TXNDC11: variants seen among roughly 807,000 people sequenced by gnomAD.
The protein encoded by TXNDC11 is thioredoxin domain-containing protein 11.
A neutral mutation model predicts 78.0 loss-of-function variants in TXNDC11; 68 were observed. That is an observed-to-expected ratio of 0.87 (90% confidence interval 0.72 to 1.07). The LOEUF is 1.07. Ranked by LOEUF, TXNDC11 falls within the 50% of genes least tolerant of loss-of-function variation. The probability of loss-of-function intolerance (pLI) is 0.00; values close to 1 mark genes in which losing one functional copy is unlikely to be tolerated. For synonymous variants in TXNDC11, 571 were observed against 495.2 expected, an observed-to-expected ratio of 1.15 and a Z score of -2.03; for missense variants, 1,389 against 1,221.8, an observed-to-expected ratio of 1.14 and a Z score of -2.04.
At chr16:11,733,416 A>G (rs2052114026) in intron 3 of TXNDC11, among the ~76,000 whole-genome samples, 1 of 151,870 alleles carries the variant, frequency 6.6e-6, no homozygotes, top group Non-Finnish European at 1.5e-5. Context: ...AGTCCCAACT[A>G]CTTGGGAGGC....
chr16:11,692,131 C>CT (rs764917433), intron 7 of TXNDC11, 49 bp from the exon 8 acceptor site: 1 of 1,424,566 alleles, frequency 7.0e-7, no homozygotes, highest in Non-Finnish European at 9.5e-7. Context: ...GACTGAGGGA[C>CT]TAGCACCCCG....
intron 5 of TXNDC11, among the ~76,000 whole-genome samples, chr16:11,711,724 A>C (rs1466704302): frequency 6.6e-6 from 1 of 152,216 alleles, no homozygotes; most frequent in African/African-American, 2.4e-5. Flanking sequence ...ACTGAGTAAG[A>C]AGCGGAGCTT....
intron 1 of TXNDC11, among the ~76,000 whole-genome samples, chr16:11,739,123 A>G (rs977957144): frequency 6.6e-6 from 1 of 152,206 alleles, no homozygotes; most frequent in African/African-American, 2.4e-5. Flanking sequence ...GCAACTCAGT[A>G]ATTTTGCTCT....
intron 5 of TXNDC11, among the ~76,000 whole-genome samples, chr16:11,710,984 C>G (rs1001896464): frequency 6.6e-6 from 1 of 152,030 alleles, no homozygotes; most frequent in Non-Finnish European, 1.5e-5. Flanking sequence ...ACAGCAGCTC[C>G]AAGAAAGAAG....
Position 11,679,544 on chromosome 16 carries a change from C to CGCTGCT in TXNDC11, c.2522_2527dup (p.Gln841_Gln842dup). 2 of 1,613,380 alleles carry CGCTGCT rather than the reference C, an allele frequency of 1.2e-6. No individual in the cohort carries two copies. The highest frequency in any genetic ancestry group is 1.7e-6 in the Non-Finnish European group (2 of 1,179,972). On this transcript the variant is annotated inframe_insertion, in exon 12 of 12. Transcript: ENST00000283033. This position sits in a 1 kb window ranked among gnomAD's most constrained non-coding sequence, Gnocchi z 4.6. ...CAGGCTGTGCTGCTCTTCCAGGGCC[C>CGCTGCT]GCTGCTGCTGCCGCAGCCGGTGCTC...
At chr16:11,705,412 A>T (rs554512720) in intron 5 of TXNDC11, among the ~76,000 whole-genome samples, 11 of 152,358 alleles carry the variant, frequency 7.2e-5, no homozygotes, top group South Asian at 4.1e-4. Context: ...CAGAAGAAAC[A>T]GACCAAAGAG....
chr16:11,696,062 C>G (rs2050851018), intron 7 of TXNDC11, among the ~76,000 whole-genome samples: 1 of 151,756 alleles, frequency 6.6e-6, no homozygotes, highest in Admixed American at 6.6e-5. Context: ...ACTTGGATGA[C>G]TATGGTTAAT....
chr16:11,691,267 G>C, intron 8 of TXNDC11, 23 bp downstream of exon 8: 1 of 1,583,230 alleles, frequency 6.3e-7, no homozygotes, highest in Non-Finnish European at 8.6e-7. Flanking sequence ...ACAATGCTTG[G>C]GGAAATAAAC....
intron 5 of TXNDC11, among the ~76,000 whole-genome samples, chr16:11,709,848 C>T (rs1483704390): frequency 1.3e-5 from 2 of 152,170 alleles, no homozygotes; most frequent in Non-Finnish European, 2.9e-5. Context: ...GTTACATATA[C>T]TTAACCTGAC....
intron 3 of TXNDC11, among the ~76,000 whole-genome samples, chr16:11,731,507 A>G (rs2052045558): frequency 6.6e-6 from 1 of 152,180 alleles, no homozygotes; most frequent in Non-Finnish European, 1.5e-5. Flanking sequence ...ACACTGCCCA[A>G]ATATAATTGG....
At position 11,679,514 on chromosome 16, in the gene TXNDC11, T is replaced by A. The variant is rs1338548153; in HGVS notation, c.2558A>T (p.His853Leu). 6.2e-7 allele frequency: 1 copy of A among 1,613,246 alleles called. No homozygotes were observed. The highest frequency in any genetic ancestry group is 2.2e-5 in the East Asian group (1 of 44,898). ...RALEEQHSLL[H>L]AHSEQLQALY... The stretch of plus-strand genomic sequence containing the variant: ...GGCCTGCAGCTGCTCACTGTGTGCG[T>A]GGAGCAGGCTGTGCTGCTCTTCCAG... Residue 853 changes from histidine to leucine, a missense_variant, in exon 12 of 12, where the codon CAC becomes CTC. His to Leu is a moderately conservative substitution (Grantham distance 99). Coordinates refer to ENST00000283033, the MANE Select transcript of TXNDC11 (RefSeq NM_015914.7). This position sits in a 1 kb window ranked among gnomAD's most constrained non-coding sequence, Gnocchi z 4.6.
intron 6 of TXNDC11, 126 bp downstream of exon 6, chr16:11,700,326 T>C (rs2050975973): frequency 4.2e-6 from 2 of 479,348 alleles, no homozygotes; most frequent in Non-Finnish European, 7.5e-6. Flanking sequence ...TCTCCATCCA[T>C]ATATAAAATC....
chr16:11,726,579 CAAA>C (rs35512803), intron 4 of TXNDC11, among the ~76,000 whole-genome samples: 9 of 82,980 alleles, frequency 1.1e-4, no homozygotes, highest in Non-Finnish European at 1.4e-4. Context: ...GACTCCACCT[CAAA>C]AAAAAAAAAA....
intron 1 of TXNDC11, among the ~76,000 whole-genome samples, chr16:11,737,856 A>C (rs2052272249): frequency 6.6e-6 from 1 of 150,840 alleles, no homozygotes; most frequent in Non-Finnish European, 1.5e-5. Flanking sequence ...TCTCTCAAAA[A>C]AAAAAAAAAA....
chr16:11,733,526 CAA>C (rs1044396787), intron 3 of TXNDC11, among the ~76,000 whole-genome samples: 2 of 135,390 alleles, frequency 1.5e-5, no homozygotes, highest in Non-Finnish European at 1.6e-5. Flanking sequence ...GACTCCGTCT[CAA>C]AAAAAAAAAA....
chr16:11,685,542 G>A (rs2050543681), intron 10 of TXNDC11, among the ~76,000 whole-genome samples: 3 of 151,498 alleles, frequency 2.0e-5, no homozygotes, highest in South Asian at 2.1e-4. Context: ...CCAGCTACTC[G>A]GGAGGCTGAG....
At chr16:11,703,699 C>A in intron 5 of TXNDC11, 1 of 702,458 alleles carries the variant, frequency 1.4e-6, no homozygotes, top group Non-Finnish European at 2.6e-6. Context: ...TTCTAAATGC[C>A]ATTCTCCAGT....
At chr16:11,696,324 C>T (rs1363334902) in intron 7 of TXNDC11, among the ~76,000 whole-genome samples, 3 of 152,222 alleles carry the variant, frequency 2.0e-5, no homozygotes, top group African/African-American at 7.2e-5. Context: ...CTGCTAACTC[C>T]TCCCCTGCCC....
intron 3 of TXNDC11, among the ~76,000 whole-genome samples, chr16:11,733,781 T>C (rs991821987): frequency 1.2e-4 from 19 of 152,222 alleles, no homozygotes; most frequent in South Asian, 4.1e-4. Flanking sequence ...GTTTAGGAAA[T>C]AGTATTACTG....
Sources: gnomAD v4.1 joint callset for allele counts (sites outside exome capture counted in the v4.1 genomes callset) on GRCh38, gnomAD v4.1.1 for gene constraint, Gnocchi (gnomAD v3.1) non-coding constraint, MANE v1.5 for transcripts, NCBI Gene and HGNC (gene_info 2026-07-23, HGNC 2026-07-21) for gene names.